Variants in ADAMTSL1 observed in about 807,000 individuals in gnomAD.
ADAMTSL1 encodes ADAMTS like 1, also known as ADAMTS-like protein 1.
A neutral mutation model predicts 201.8 loss-of-function variants in ADAMTSL1; 126 were observed. The ratio of observed to expected loss-of-function variants is 0.62; its 90% CI spans 0.54 to 0.72. The LOEUF (loss-of-function observed/expected upper bound fraction) is 0.72. Among genes scored for constraint, ADAMTSL1 ranks in the 30% least tolerant of loss-of-function variants. The pLI is 0.00. For missense variants in ADAMTSL1, 2,679 were observed against 2,277.8 expected, an observed-to-expected ratio of 1.18 and a Z score of -3.59; for synonymous variants, 1,121 against 903.4, an observed-to-expected ratio of 1.24 and a Z score of -4.32.
At chr9:18,262,295 TTA>T (rs1308347222) in intron 2 of ADAMTSL1, among the ~76,000 whole-genome samples, 9 of 152,164 alleles carry the variant, frequency 5.9e-5, no homozygotes, top group Non-Finnish European at 1.2e-4. Context: ...CCCAAGGCCC[TTA>T]TAAAGGATGC....
intron 14 of ADAMTSL1, among the ~76,000 whole-genome samples, chr9:18,712,684 T>G (rs1407026744): frequency 1.3e-5 from 2 of 151,374 alleles, no homozygotes; most frequent in Non-Finnish European, 3.0e-5. Context: ...TGCAGGATAT[T>G]ATCCAGGAGA....
intron 2 of ADAMTSL1, among the ~76,000 whole-genome samples, chr9:18,356,961 A>G (rs1411154): frequency 0.034 from 5,140 of 152,282 alleles, 309 homozygotes; most frequent in African/African-American, 0.12. Flanking sequence ...GCTGATTCCT[A>G]TAACAATTTC....
intron 2 of ADAMTSL1, among the ~76,000 whole-genome samples, chr9:18,194,234 T>C (rs1356344373): frequency 6.6e-6 from 1 of 152,112 alleles, no homozygotes; most frequent in Admixed American, 6.6e-5. Context: ...TATTAAACCC[T>C]GAGAATAAAA....
intron 3 of ADAMTSL1, among the ~76,000 whole-genome samples, chr9:18,559,955 C>T (rs180740130): frequency 4.1e-4 from 63 of 152,222 alleles, no homozygotes; most frequent in African/African-American, 1.5e-3. Flanking sequence ...CATCTGCAAA[C>T]AGAGACAATT....
chr9:18,610,431 C>CT (rs1825297917), intron 4 of ADAMTSL1, among the ~76,000 whole-genome samples: 1 of 152,126 alleles, frequency 6.6e-6, no homozygotes, highest in Non-Finnish European at 1.5e-5. Flanking sequence ...ACAGATGATG[C>CT]TTTTGCTTAA....
intron 2 of ADAMTSL1, among the ~76,000 whole-genome samples, chr9:18,293,172 G>T (rs1473717715): frequency 6.6e-6 from 1 of 152,166 alleles, no homozygotes; most frequent in Non-Finnish European, 1.5e-5. Flanking sequence ...CCACTGATGG[G>T]CACCTAGGTT....
intron 2 of ADAMTSL1, among the ~76,000 whole-genome samples, chr9:18,316,584 G>C (rs1335454922): frequency 7.2e-5 from 11 of 152,082 alleles, no homozygotes; most frequent in Non-Finnish European, 1.6e-4. Flanking sequence ...CAGAGTTTAA[G>C]GTTATCTCTC....
At position 18,432,727 on chromosome 9, in the gene ADAMTSL1, G is replaced by A. The variant is rs192540756; in HGVS notation, c.208-72102G>A. 1.7e-3 allele frequency among the ~76,000 whole-genome samples: 262 copies of A among 152,228 alleles called. 1 individual carries two copies. Among genetic ancestry groups the A allele is most frequent in the African/African-American group, 6.5e-4 (27 of 41,566 alleles). On this transcript the variant is annotated intron_variant, in intron 2 of 29. Transcript: ENST00000680146. ...TTGAAAAACGGGAATCATTAGTACC[G>A]GCTCTGAAACTCATACAATTATTAT...
intron 16 of ADAMTSL1, among the ~76,000 whole-genome samples, chr9:18,756,478 A>G (rs1322746929): frequency 6.6e-6 from 1 of 152,074 alleles, no homozygotes; most frequent in East Asian, 1.9e-4. Flanking sequence ...ATAAGTCCAG[A>G]GTAACTTCAG....
chr9:18,824,542 C>T lies in ADAMTSL1; in HGVS notation c.3935-1742C>T, dbSNP rs190566407. On this transcript the variant is annotated intron_variant, in intron 21 of 28. Coordinates refer to ENST00000380548, the MANE Select transcript of ADAMTSL1 (RefSeq NM_001040272.6). ...CAACTCTTTGAAGACACTCTGCATTCTCAACAGAAGGCTAGCCATTAAGGG... is the reference window on the plus strand; with the variant it reads ...CAACTCTTTGAAGACACTCTGCATTTTCAACAGAAGGCTAGCCATTAAGGG... Among the ~76,000 whole-genome samples the T allele has an allele frequency of 1.6e-4, 24 of 152,294 alleles. No individual in the cohort carries two copies. In the East Asian group the frequency reaches 2.9e-3, roughly 18 times the overall value.
At chr9:18,488,250 A>G (rs1822096388) in intron 1 of ADAMTSL1, among the ~76,000 whole-genome samples, 1 of 152,126 alleles carries the variant, frequency 6.6e-6, no homozygotes, top group Non-Finnish European at 1.5e-5. Flanking sequence ...TCTGTCACCT[A>G]TCAAGATCAA....
At chr9:18,169,437 G>T (rs1388332427) in intron 2 of ADAMTSL1, among the ~76,000 whole-genome samples, 1 of 152,052 alleles carries the variant, frequency 6.6e-6, no homozygotes, top group Non-Finnish European at 1.5e-5. Context: ...GATAGTTGTA[G>T]ATATGTGGCA....
chr9:17,917,236 T>C (rs575314031), intron 1 of ADAMTSL1, among the ~76,000 whole-genome samples: 4 of 152,252 alleles, frequency 2.6e-5, no homozygotes, highest in East Asian at 1.9e-4. Flanking sequence ...TTTATGTCTT[T>C]TATGAAATTT....
At chr9:18,102,913 A>G (rs1824594136) in intron 1 of ADAMTSL1, among the ~76,000 whole-genome samples, 1 of 152,204 alleles carries the variant, frequency 6.6e-6, no homozygotes, top group Admixed American at 6.5e-5. Context: ...GAGAGGGAAA[A>G]AAATCCAGAG....
intron 2 of ADAMTSL1, among the ~76,000 whole-genome samples, chr9:18,368,821 C>G (rs761439353): frequency 6.6e-6 from 1 of 152,100 alleles, no homozygotes; most frequent in Non-Finnish European, 1.5e-5. Context: ...AAATTGTAGA[C>G]ATCAAGTAAT....
chr9:18,704,483 T>C (rs1056582474), intron 13 of ADAMTSL1, among the ~76,000 whole-genome samples: 1 of 152,228 alleles, frequency 6.6e-6, no homozygotes, highest in Non-Finnish European at 1.5e-5. Context: ...GAAGTATTAT[T>C]CATCACACCA....
intron 2 of ADAMTSL1, among the ~76,000 whole-genome samples, chr9:18,426,601 A>G (rs1010404163): frequency 2.0e-5 from 3 of 152,130 alleles, no homozygotes; most frequent in Non-Finnish European, 4.4e-5. Context: ...CTTGTGAGGT[A>G]ATGACATCTC....
chr9:18,120,198 T>G (rs1045584263), intron 1 of ADAMTSL1, among the ~76,000 whole-genome samples: 1 of 152,048 alleles, frequency 6.6e-6, no homozygotes, highest in African/African-American at 2.4e-5. Context: ...ACATGGTCAA[T>G]GACAGGAGGC....
chr9:18,324,314 G>A (rs1834740719), intron 2 of ADAMTSL1, among the ~76,000 whole-genome samples: 1 of 152,000 alleles, frequency 6.6e-6, no homozygotes, highest in Admixed American at 6.6e-5. Context: ...AATTCAAAAT[G>A]GATGATGGGC....
Sources: gnomAD v4.1 joint callset for allele counts (sites outside exome capture counted in the v4.1 genomes callset) on GRCh38, gnomAD v4.1.1 for gene constraint, MANE v1.5 for transcripts, NCBI Gene and HGNC (gene_info 2026-07-23, HGNC 2026-07-21) for gene names.